IREB2: variants seen among roughly 807,000 people sequenced by gnomAD.
The protein encoded by IREB2 is iron responsive element binding protein 2.
IREB2 carries 39 observed loss-of-function variants against 118.8 expected under a neutral mutation model. The observed-to-expected ratio is 0.33, with a 90% CI of 0.25 to 0.43. The LOEUF is 0.43. IREB2 is among the 20% of genes least tolerant of loss of function. IREB2 has a pLI of 1.00. For missense variants in IREB2, 900 were observed against 1,147.3 expected (o/e 0.78, Z 3.11); for synonymous variants, 372 against 392.2 (o/e 0.95, Z 0.61).
chr15:78,459,010 A>G (rs1033660372), intron 2 of IREB2, among the ~76,000 whole-genome samples: 2 of 152,040 alleles, frequency 1.3e-5, no homozygotes, highest in Non-Finnish European at 2.9e-5. Flanking sequence ...CATGTTGCCC[A>G]GGCTAGTCTT....
In IREB2 at chr15:78,499,668, T is replaced by G. The variant is rs1354053343; in HGVS notation, c.*1525T>G. 1 of 152,266 alleles carries G rather than the reference T, an allele frequency of 6.6e-6. No individual in the cohort carries two copies. The highest frequency in any genetic ancestry group is 2.4e-5 in the African/African-American group (1 of 41,466). 9.4% of individuals were successfully genotyped at this position (152,266 alleles called of 1,614,324 possible). A position where few individuals can be genotyped will look rare whatever the true frequency, so the allele number is the denominator to read the frequency against. ...CTTTATTTAAATTTTGTATAAGTAT[T>G]TTCTTCGACACTTTCAAATTATATT... On this transcript the variant is annotated 3_prime_UTR_variant, in exon 22 of 22. Coordinates refer to ENST00000258886, the MANE Select transcript of IREB2 (RefSeq NM_004136.4).
At chr15:78,449,627 A>G (rs1322720685) in intron 2 of IREB2, among the ~76,000 whole-genome samples, 1 of 152,254 alleles carries the variant, frequency 6.6e-6, no homozygotes, top group African/African-American at 2.4e-5. Flanking sequence ...CAAGCAAAAC[A>G]TGTCTGCAAG....
At chr15:78,454,476 A>G (rs1188708211) in intron 2 of IREB2, among the ~76,000 whole-genome samples, 2 of 152,224 alleles carry the variant, frequency 1.3e-5, no homozygotes, top group Non-Finnish European at 2.9e-5. Flanking sequence ...GGAAAGGCAT[A>G]GAGTAGATTG....
chr15:78,466,582 T>C (rs746970048), intron 5 of IREB2, 93 bp downstream of exon 5: 5 of 814,478 alleles, frequency 6.1e-6, no homozygotes, highest in African/African-American at 1.7e-5. Flanking sequence ...ATTACTATTA[T>C]GTTACCTTCA....
At chr15:78,459,042 C>A (rs901108465) in intron 2 of IREB2, among the ~76,000 whole-genome samples, 7 of 152,042 alleles carry the variant, frequency 4.6e-5, no homozygotes, top group South Asian at 4.1e-4. Flanking sequence ...CTCAAGCAGT[C>A]CCCCCTCCCA....
chr15:78,473,470 A>G lies in IREB2; in HGVS notation c.1023+89A>G, dbSNP rs1462508082. On this transcript the variant is annotated intron_variant, in intron 8 of 21. Transcript: ENST00000258886. ...TCTATGAGAGCAGGGATTTGGGTTC[A>G]TTACTGCATCCTCAGGTCTCTTGAC... The G allele has an allele frequency of 3.1e-5, 32 of 1,024,712 alleles. No individual in the cohort carries two copies. The South Asian group carries it at 4.4e-4, about 14-fold the overall frequency. The allele number at this position is 1,024,712 out of a possible 1,614,324, so 63.5% of individuals were successfully genotyped here. A position where few individuals can be genotyped will look rare whatever the true frequency, so the allele number is the denominator to read the frequency against.
chr15:78,466,744 C>T (rs966526879), intron 5 of IREB2, among the ~76,000 whole-genome samples: 3 of 152,090 alleles, frequency 2.0e-5, no homozygotes, highest in Non-Finnish European at 4.4e-5. Context: ...TAGAATTCAT[C>T]TTTTTGACGA....
chr15:78,473,448 A>T (rs377188483), intron 8 of IREB2, 67 bp downstream of exon 8: 3 of 1,395,994 alleles, frequency 2.1e-6, no homozygotes, highest in Admixed American at 3.8e-5. Context: ...GAAGAGCTCT[A>T]TGAGAGCAGG....
upstream of IREB2, chr15:78,438,184 G>A (rs112848882): frequency 5.0e-3 from 3,145 of 630,034 alleles, 108 homozygotes; most frequent in East Asian, 0.076. Flanking sequence ...GCAGACCCGG[G>A]GCTGGCTCTG....
chr15:78,488,889 G>A (rs1480058319), intron 16 of IREB2, 118 bp downstream of exon 16: 1 of 624,294 alleles, frequency 1.6e-6, no homozygotes, highest in African/African-American at 1.9e-5. Flanking sequence ...AGTTTTTAAT[G>A]TGTAATAGTA....
chr15:78,479,568 A>G (rs775777661), intron 10 of IREB2, among the ~76,000 whole-genome samples: 3 of 152,064 alleles, frequency 2.0e-5, no homozygotes, highest in Non-Finnish European at 4.4e-5. Context: ...GTTTAAAATA[A>G]TAGTAGTGAC....
chr15:78,443,635 G>GT (rs2050880774), intron 2 of IREB2, among the ~76,000 whole-genome samples: 1 of 151,254 alleles, frequency 6.6e-6, no homozygotes, highest in African/African-American at 2.4e-5. Flanking sequence ...GGTTTTTTTT[G>GT]TTTTTTGTTT....
chr15:78,468,074 G>A (rs896315142), intron 5 of IREB2, among the ~76,000 whole-genome samples: 2 of 152,060 alleles, frequency 1.3e-5, no homozygotes, highest in Non-Finnish European at 2.9e-5. Flanking sequence ...GACTGGTCTC[G>A]AACTCCTGGC....
chr15:78,439,880 T>C lies in IREB2; in HGVS notation c.105T>C (p.Tyr35=). 1.3e-6 allele frequency: 2 copies of C among 1,560,652 alleles called. No individual in the cohort carries two copies. Among genetic ancestry groups the C allele is most frequent in the Non-Finnish European group, 8.8e-7 (1 of 1,136,990 alleles). The part of the protein sequence containing the change: ...FFDVSKLGTK[Y]DVLPYSIRVL... ...ATGTATCTAAACTTGGCACCAAGTA[T>C]GGTAATGTTGCTTTACATTTTCTTG... is the stretch of plus-strand genomic sequence containing the variant. The change falls in exon 2 of 22, where the codon TAT becomes TAC. Residue 35 remains tyrosine, a splice_region_variant and synonymous_variant. Coordinates refer to ENST00000258886, the MANE Select transcript of IREB2 (RefSeq NM_004136.4).
intron 2 of IREB2, among the ~76,000 whole-genome samples, chr15:78,456,512 C>T (rs1305652719): frequency 6.6e-6 from 1 of 151,496 alleles, no homozygotes; most frequent in Admixed American, 6.6e-5. Flanking sequence ...AAAAAAATTA[C>T]GAGAATCAGC....
rs2051261397 is a variant in IREB2 at position 78,465,248 on chromosome 15, T to C, written c.273-3T>C. The stretch of plus-strand genomic sequence containing the variant: ...TATAATTTGACCATTCTTTATTTTT[T>C]AGTGGAATACCAGCAATGGTGGATT... On this transcript the variant is annotated splice_polypyrimidine_tract_variant and splice_region_variant and intron_variant, in intron 3 of 21. Transcript: ENST00000258886. 2 of 1,600,766 alleles carry C rather than the reference T, an allele frequency of 1.2e-6. No individual in the cohort carries two copies. Among genetic ancestry groups the C allele is most frequent in the South Asian group, 1.1e-5 (1 of 88,258 alleles).
At chr15:78,493,650 T>C (rs2051789336) in intron 18 of IREB2, among the ~76,000 whole-genome samples, 1 of 152,198 alleles carries the variant, frequency 6.6e-6, no homozygotes, top group South Asian at 2.1e-4. Context: ...CTACATCTTT[T>C]AGTGAAATGT....
chr15:78,494,855 G>A (rs1415771988), intron 20 of IREB2, among the ~76,000 whole-genome samples: 2 of 152,210 alleles, frequency 1.3e-5, no homozygotes, highest in Admixed American at 1.3e-4. Flanking sequence ...TTACAGGCTT[G>A]AGCCATGTGC....
chr15:78,455,125 G>T (rs765433472), intron 2 of IREB2, among the ~76,000 whole-genome samples: 45 of 152,158 alleles, frequency 3.0e-4, no homozygotes, highest in Non-Finnish European at 2.9e-5. Context: ...GAACAAAGAG[G>T]AAATAAATGT....
Sources: gnomAD v4.1 joint callset for allele counts (sites outside exome capture counted in the v4.1 genomes callset) on GRCh38, gnomAD v4.1.1 for gene constraint, MANE v1.5 for transcripts, NCBI Gene and HGNC (gene_info 2026-07-23, HGNC 2026-07-21) for gene names.